PLG: variants seen among roughly 807,000 people sequenced by gnomAD.
PLG encodes the protein plasmin.
Under a neutral mutation model 104.4 loss-of-function variants are expected in PLG, and 41 were observed. The observed-to-expected ratio is 0.39, with a 90% CI of 0.31 to 0.51. The LOEUF (loss-of-function observed/expected upper bound fraction) is 0.51, where lower values mean the gene tolerates loss of function less well. Among genes scored for constraint, PLG ranks in the 20% least tolerant of loss-of-function variants. The pLI, the probability that PLG is intolerant of heterozygous loss-of-function variation, is 0.76. For missense variants in PLG, 891 were observed against 1,003.6 expected, an observed-to-expected ratio of 0.89 and a Z score of 1.52; for synonymous variants, 337 against 357.1, an observed-to-expected ratio of 0.94 and a Z score of 0.63.
chr6:160,722,712 G>C, intron 10 of PLG, 145 bp downstream of exon 10: 1 of 752,380 alleles, frequency 1.3e-6, no homozygotes, highest in Non-Finnish European at 2.2e-6. Flanking sequence ...CAAGAATCTT[G>C]CTTTTGAAGA....
chr6:160,748,366 A>AAGAAAGAGAGAGAGAGAGAG (rs1778319298), intron 17 of PLG, among the ~76,000 whole-genome samples: 1 of 38,092 alleles, frequency 2.6e-5, no homozygotes, highest in Non-Finnish European at 5.2e-5. Flanking sequence ...GAAAGAAAGA[A>AAGAAAGAGAGAGAGAGAGAG]AGAAAGAAAG....
intron 4 of PLG, chr6:160,711,668 G>A: frequency 6.2e-7 from 1 of 1,610,742 alleles, no homozygotes. Context: ...TCTTGGATAT[G>A]GAGGTTTCTT....
chr6:160,745,194 CCT>C (rs1332275150), intron 17 of PLG, among the ~76,000 whole-genome samples: 1 of 152,088 alleles, frequency 6.6e-6, no homozygotes, highest in Non-Finnish European at 1.5e-5. Context: ...GAGTTCAGGT[CCT>C]GAATATCTTT....
chr6:160,732,154 TAA>T lies in PLG; in HGVS notation c.1587+263_1587+264del, dbSNP rs1385813347. Reference sequence around the variant, plus strand: ...CCTCTTCCCTTTAGTGACATTTCTTTAAAGTTTCCATTATTGGGGACTGTCTC... The same window carrying T: ...CCTCTTCCCTTTAGTGACATTTCTTTAGTTTCCATTATTGGGGACTGTCTC... On this transcript the variant is annotated intron_variant, in intron 12 of 18. Coordinates refer to ENST00000308192, the MANE Select transcript of PLG (RefSeq NM_000301.5). The surrounding 1 kb of genome is among the most constrained non-coding windows in gnomAD (Gnocchi z 4.5). 1.3e-5 allele frequency among the ~76,000 whole-genome samples: 2 copies of T among 152,220 alleles called. No individual in the cohort carries two copies. Among genetic ancestry groups the T allele is most frequent in the Non-Finnish European group, 2.9e-5 (2 of 68,042 alleles).
At chr6:160,702,699 T>A (rs1777441061) in intron 1 of PLG, among the ~76,000 whole-genome samples, 1 of 152,206 alleles carries the variant, frequency 6.6e-6, no homozygotes, top group Non-Finnish European at 1.5e-5. Context: ...CTAATTTATA[T>A]CATCTCTGTT....
rs181022746 is a variant in PLG, at chr6:160,732,426, C to A, written c.1587+533C>A. On this transcript the variant is annotated intron_variant, in intron 12 of 18. Coordinates refer to ENST00000308192, the MANE Select transcript of PLG (RefSeq NM_000301.5). This position sits in a 1 kb window ranked among gnomAD's most constrained non-coding sequence, Gnocchi z 4.5. The stretch of plus-strand genomic sequence containing the variant: ...CCATGCAGCATAACACTTCTCACAC[C>A]AGATGTGGGGGGATTTCTCCTCACA... Among the ~76,000 whole-genome samples, 1 of 152,258 alleles carries A rather than the reference C, an allele frequency of 6.6e-6. No individual in the cohort carries two copies. The highest frequency in any genetic ancestry group is 1.9e-4 in the East Asian group (1 of 5,164).
At chr6:160,750,425 C>G (rs1335262337) in intron 17 of PLG, among the ~76,000 whole-genome samples, 2 of 152,238 alleles carry the variant, frequency 1.3e-5, no homozygotes, top group Non-Finnish European at 2.9e-5. Flanking sequence ...GGTGGGTTTT[C>G]CCCCTTATCA....
At chr6:160,730,718 T>C in intron 10 of PLG, 1 of 284,032 alleles carries the variant, frequency 3.5e-6, no homozygotes, top group Non-Finnish European at 6.8e-6. Context: ...CACTTTAAAA[T>C]CTGTACCTGT....
In PLG at chr6:160,723,699, T is replaced by C. The variant is rs1777881078; in HGVS notation, c.1256+1132T>C. ...AAAGCTGCATATGCACAGGGAGAGG[T>C]TCCAGAGAGAAAATAGGATAAAGAA... On this transcript the variant is annotated intron_variant, in intron 10 of 18. Transcript: ENST00000308192. The surrounding 1 kb of genome is among the most constrained non-coding windows in gnomAD (Gnocchi z 4.7). Among the ~76,000 whole-genome samples, 1 of 151,806 alleles carries C rather than the reference T, an allele frequency of 6.6e-6. No homozygotes were observed. Among genetic ancestry groups the C allele is most frequent in the Admixed American group, 6.6e-5 (1 of 15,226 alleles).
In PLG at chr6:160,738,465, T is replaced by C; in HGVS notation, c.1803-73T>C. The C allele has an allele frequency of 2.1e-6, 2 of 931,816 alleles. No homozygotes were observed. The highest frequency in any genetic ancestry group is 1.3e-5 in the South Asian group (1 of 77,482). The allele number at this position is 931,816 out of a possible 1,614,324, so 57.7% of individuals were successfully genotyped here. On this transcript the variant is annotated intron_variant, in intron 14 of 18. Coordinates refer to ENST00000308192, the MANE Select transcript of PLG (RefSeq NM_000301.5). The surrounding 1 kb of genome is among the most constrained non-coding windows in gnomAD (Gnocchi z 6.8). Reference sequence around the variant, plus strand: ...TGGTCAAAATTAAGTGAACGTGTCTTTCTGGCTTTCTGTACAATGGAGCAG... The same window carrying C: ...TGGTCAAAATTAAGTGAACGTGTCTCTCTGGCTTTCTGTACAATGGAGCAG...
intron 1 of PLG, among the ~76,000 whole-genome samples, chr6:160,704,030 C>G (rs1490550261): frequency 6.6e-6 from 1 of 152,224 alleles, no homozygotes; most frequent in East Asian, 1.9e-4. Context: ...AATATGCATA[C>G]ACATTCACAC....
At position 160,748,421 on chromosome 6, in the gene PLG, A is replaced by AGG. The variant is rs1378851216; in HGVS notation, c.2126-3693_2126-3692insGG. On this transcript the variant is annotated intron_variant, in intron 17 of 18. Coordinates refer to ENST00000308192, the MANE Select transcript of PLG (RefSeq NM_000301.5). ...GAAAGGAAGAAAGAAAGAAAGGGAA[A>AGG]GAAAGAGAACGAAAGAAAGAAGGGA... 6.4e-4 allele frequency among the ~76,000 whole-genome samples: 66 copies of AGG among 102,700 alleles called. 4 individuals are homozygous for AGG. Among genetic ancestry groups the AGG allele is most frequent in the African/African-American group, 2.3e-3 (65 of 28,612 alleles). 67.4% of individuals were successfully genotyped at this position (102,700 alleles called of 152,430 possible). A position where few individuals can be genotyped will look rare whatever the true frequency, so the allele number is the denominator to read the frequency against.
chr6:160,713,952 G>T (rs1438351093), intron 5 of PLG, among the ~76,000 whole-genome samples: 2 of 152,158 alleles, frequency 1.3e-5, no homozygotes, highest in Admixed American at 1.3e-4. Context: ...AATAAATAAA[G>T]GTGAGATTTG....
intron 4 of PLG, chr6:160,711,586 G>A: frequency 4.3e-6 from 7 of 1,609,950 alleles, no homozygotes; most frequent in Non-Finnish European, 5.9e-6. Flanking sequence ...TAAGCAGATA[G>A]AAAGAATCTT....
In PLG at chr6:160,740,432, G is replaced by A. The variant is rs145756095; in HGVS notation, c.2019-879G>A. ...GGGTTTTGGAGGAGTTCTCTGATAG[G>A]CTGATACATTTCGAGTTTAGAGTTC... is the stretch of plus-strand genomic sequence containing the variant. On this transcript the variant is annotated intron_variant, in intron 16 of 18. Coordinates refer to ENST00000308192, the MANE Select transcript of PLG (RefSeq NM_000301.5). The surrounding 1 kb of genome is among the most constrained non-coding windows in gnomAD (Gnocchi z 5.2). 7.4e-4 allele frequency among the ~76,000 whole-genome samples: 112 copies of A among 152,262 alleles called. No individual in the cohort carries two copies. The highest frequency in any genetic ancestry group is 2.7e-3 in the African/African-American group (111 of 41,554).
At position 160,711,096 on chromosome 6, in the gene PLG, G is replaced by A. The variant is rs767238787; in HGVS notation, c.312G>A (p.Lys104=). The change falls in exon 4 of 19, where the codon AAG becomes AAA. Residue 104 remains lysine (K), a synonymous_variant. Transcript: ENST00000308192. ...FEKKVYLSEC[K]TGNGKNYRGT... Reference sequence around the variant, plus strand: ...CTTCAGTGTATCTCTCAGAGTGCAAGACTGGGAATGGAAAGAACTACAGAG... The same window carrying A: ...CTTCAGTGTATCTCTCAGAGTGCAAAACTGGGAATGGAAAGAACTACAGAG... The A allele has an allele frequency of 1.2e-6, 2 of 1,612,784 alleles. No homozygotes were observed. The highest frequency in any genetic ancestry group is 1.7e-6 in the Non-Finnish European group (2 of 1,178,918).
intron 1 of PLG, chr6:160,705,740 T>C (rs1213767073): frequency 6.6e-6 from 1 of 152,412 alleles, no homozygotes; most frequent in Non-Finnish European, 1.5e-5. Context: ...AAAGCGCATA[T>C]TGTAGGAAAT....
intron 9 of PLG, among the ~76,000 whole-genome samples, chr6:160,721,668 T>C (rs1048732460): frequency 1.2e-4 from 19 of 152,226 alleles, no homozygotes; most frequent in African/African-American, 4.3e-4. Context: ...TGCTCACTTT[T>C]TGGTGGACGT....
At chr6:160,710,064 C>T (rs1163168917) in intron 3 of PLG, among the ~76,000 whole-genome samples, 3 of 152,168 alleles carry the variant, frequency 2.0e-5, no homozygotes, top group African/African-American at 7.2e-5. Context: ...ACAATAATTA[C>T]TTTCCTTATT....
Sources: allele counts gnomAD v4.1 joint callset (sites outside exome capture counted in the v4.1 genomes callset), GRCh38; gene constraint gnomAD v4.1.1; non-coding constraint Gnocchi (gnomAD v3.1); transcripts MANE v1.5; gene names NCBI Gene and HGNC (gene_info 2026-07-23, HGNC 2026-07-21).